Variants in PCCA observed in about 807,000 individuals in gnomAD.
The protein encoded by PCCA is propionyl-CoA carboxylase alpha chain, mitochondrial.
Under a neutral mutation model 101.3 loss-of-function variants are expected in PCCA, and 74 were observed. The observed-to-expected ratio is 0.73, with a 90% CI of 0.61 to 0.89. The LOEUF (loss-of-function observed/expected upper bound fraction) is 0.89, where lower values mean the gene tolerates loss of function less well. Among genes scored for constraint, PCCA ranks in the 40% least tolerant of loss-of-function variants. The probability of loss-of-function intolerance (pLI) is 0.00; values close to 1 mark genes in which losing one functional copy is unlikely to be tolerated. For missense variants in PCCA, 891 were observed against 907.0 expected, an observed-to-expected ratio of 0.98 and a Z score of 0.23; for synonymous variants, 294 against 313.6, an observed-to-expected ratio of 0.94 and a Z score of 0.66.
At chr13:100,269,556 G>A (rs1220289227) in intron 11 of PCCA, among the ~76,000 whole-genome samples, 1 of 152,108 alleles carries the variant, frequency 6.6e-6, no homozygotes. Flanking sequence ...TCATGAGTTT[G>A]GTGTATGGGG....
chr13:100,252,970 G>T (rs1001730951), intron 8 of PCCA, among the ~76,000 whole-genome samples: 8 of 151,986 alleles, frequency 5.3e-5, no homozygotes, highest in African/African-American at 1.9e-4. Context: ...CTTCTGTCTG[G>T]ACTCATCCCC....
intron 19 of PCCA, among the ~76,000 whole-genome samples, chr13:100,415,766 C>G (rs571164042): frequency 2.0e-5 from 3 of 152,240 alleles, no homozygotes; most frequent in South Asian, 4.1e-4. Context: ...CTTTTTACAG[C>G]CTCTGTCTTC....
intron 21 of PCCA, among the ~76,000 whole-genome samples, chr13:100,454,871 CAA>C (rs1315546446): frequency 6.6e-6 from 1 of 151,986 alleles, no homozygotes; most frequent in East Asian, 1.9e-4. Flanking sequence ...TTCAGTAAAA[CAA>C]ATCTCATTAC....
In PCCA at chr13:100,345,654, C is replaced by G. The variant is rs1219417379; in HGVS notation, c.1643+5395C>G. On this transcript the variant is annotated intron_variant, in intron 18 of 23. Transcript: ENST00000376285. Reference sequence around the variant, plus strand: ...CATCGATGAAGGTGGCTACACTGAACAGCAGATTTTCAATGTAGATAAGAC... The same window carrying G: ...CATCGATGAAGGTGGCTACACTGAAGAGCAGATTTTCAATGTAGATAAGAC... Among the ~76,000 whole-genome samples, 5 of 152,300 alleles carry G rather than the reference C, an allele frequency of 3.3e-5. No individual in the cohort carries two copies. In the East Asian group the frequency reaches 9.6e-4, roughly 29 times the overall value.
intron 1 of PCCA, among the ~76,000 whole-genome samples, chr13:100,100,678 A>G (rs1384129613): frequency 1.3e-5 from 2 of 152,242 alleles, no homozygotes; most frequent in African/African-American, 4.8e-5. Flanking sequence ...AAACAGGAAC[A>G]GAGCCTTTAT....
intron 6 of PCCA, among the ~76,000 whole-genome samples, chr13:100,203,273 CAAAA>C (rs998482300): frequency 3.1e-5 from 2 of 64,238 alleles, no homozygotes; most frequent in Admixed American, 1.8e-4. Flanking sequence ...GACTCCGTCT[CAAAA>C]AAAAAAAAAA....
chr13:100,367,382 G>C (rs1474962063), intron 18 of PCCA, among the ~76,000 whole-genome samples: 1 of 152,006 alleles, frequency 6.6e-6, no homozygotes, highest in Admixed American at 6.6e-5. Context: ...TAATGTGTAA[G>C]TTTCCAAGAT....
intron 1 of PCCA, among the ~76,000 whole-genome samples, chr13:100,095,705 A>G (rs978122383): frequency 1.3e-5 from 2 of 152,206 alleles, no homozygotes; most frequent in Non-Finnish European, 2.9e-5. Flanking sequence ...TAAGGGATGA[A>G]TGTGGCTGCT....
At chr13:100,235,740 T>G in intron 7 of PCCA, 102 bp from the exon 8 acceptor site, 4 of 791,598 alleles carry the variant, frequency 5.1e-6, no homozygotes, top group Non-Finnish European at 9.2e-6. Context: ...AATTGAACAT[T>G]AAATGAATCG....
chr13:100,317,387 T>C (rs757266261), intron 16 of PCCA, among the ~76,000 whole-genome samples: 1 of 152,228 alleles, frequency 6.6e-6, no homozygotes, highest in Non-Finnish European at 1.5e-5. Context: ...TAGGAACGTC[T>C]GTTTTCTGAT....
intron 4 of PCCA, among the ~76,000 whole-genome samples, chr13:100,126,330 T>A (rs948537251): frequency 6.6e-6 from 1 of 152,206 alleles, no homozygotes; most frequent in Non-Finnish European, 1.5e-5. Context: ...TGCTTTGCCC[T>A]TTCATATATT....
At chr13:100,200,210 T>C (rs1374091842) in intron 6 of PCCA, among the ~76,000 whole-genome samples, 1 of 152,192 alleles carries the variant, frequency 6.6e-6, no homozygotes. Flanking sequence ...GTTCACACTG[T>C]TCTCCTGCCT....
chr13:100,287,969 T>G (rs370719415), intron 12 of PCCA, among the ~76,000 whole-genome samples: 1 of 152,368 alleles, frequency 6.6e-6, no homozygotes, highest in South Asian at 2.1e-4. Context: ...TTAAACATCT[T>G]TCTGTGGTAG....
intron 21 of PCCA, among the ~76,000 whole-genome samples, chr13:100,505,951 T>A (rs184553083): frequency 6.6e-6 from 1 of 151,750 alleles, no homozygotes; most frequent in African/African-American, 2.4e-5. Context: ...TGGTGAATAG[T>A]TACTCTCGAG....
intron 6 of PCCA, among the ~76,000 whole-genome samples, chr13:100,191,956 AG>A (rs2057769486): frequency 6.6e-6 from 1 of 152,206 alleles, no homozygotes; most frequent in Non-Finnish European, 1.5e-5. Context: ...AAGGCTATGA[AG>A]GCTCTGGTTG....
intron 7 of PCCA, among the ~76,000 whole-genome samples, chr13:100,224,036 G>A (rs879674873): frequency 1.3e-4 from 20 of 152,344 alleles, no homozygotes; most frequent in East Asian, 5.8e-4. Context: ...TGCCAGTCCC[G>A]CGCCGTGCGC....
At chr13:100,146,892 C>T (rs1219892710) in intron 4 of PCCA, among the ~76,000 whole-genome samples, 7 of 144,346 alleles carry the variant, frequency 4.8e-5, no homozygotes, top group East Asian at 3.9e-4. Context: ...CTTATTGCAG[C>T]GCACAATACC....
At chr13:100,213,963 C>T (rs2059372842) in intron 7 of PCCA, among the ~76,000 whole-genome samples, 1 of 152,148 alleles carries the variant, frequency 6.6e-6, no homozygotes, top group African/African-American at 2.4e-5. Flanking sequence ...ATCCGGTTCT[C>T]CGAGCACCAT....
At chr13:100,229,800 C>T (rs913340241) in intron 7 of PCCA, among the ~76,000 whole-genome samples, 1 of 152,182 alleles carries the variant, frequency 6.6e-6, no homozygotes, top group Non-Finnish European at 1.5e-5. Context: ...TGTACCCTTT[C>T]TGCAGAAAGT....
Sources: gnomAD v4.1 joint callset for allele counts (sites outside exome capture counted in the v4.1 genomes callset) on GRCh38, gnomAD v4.1.1 for gene constraint, MANE v1.5 for transcripts, NCBI Gene and HGNC (gene_info 2026-07-23, HGNC 2026-07-21) for gene names.